The following CTNNA3 variants were observed in gnomAD, a reference collection of about 807,000 sequenced individuals.
CTNNA3 encodes the protein catenin alpha 3.
A neutral mutation model predicts 95.7 loss-of-function variants in CTNNA3; 76 were observed. The observed-to-expected ratio is 0.79, with a 90% CI of 0.66 to 0.96. The LOEUF is 0.96. CTNNA3 is among the 40% of genes least tolerant of loss of function. CTNNA3 has a pLI of 0.00. For missense variants in CTNNA3, 1,191 were observed against 1,089.8 expected (o/e 1.09, Z -1.31); for synonymous variants, 431 against 374.4 (o/e 1.15, Z -1.74).
intron 7 of CTNNA3, among the ~76,000 whole-genome samples, chr10:66,890,759 G>T (rs1845236909): frequency 6.6e-6 from 1 of 152,150 alleles, no homozygotes; most frequent in Non-Finnish European, 1.5e-5. Context: ...TTTTTAAGAA[G>T]AAAGATTTTG....
chr10:65,989,313 G>T (rs2078491423), intron 15 of CTNNA3, among the ~76,000 whole-genome samples: 1 of 152,032 alleles, frequency 6.6e-6, no homozygotes, highest in Admixed American at 6.6e-5. Context: ...ATTTTTTAAT[G>T]CCAGCCTATT....
At chr10:66,808,075 T>C (rs745800785) in intron 7 of CTNNA3, among the ~76,000 whole-genome samples, 9 of 152,070 alleles carry the variant, frequency 5.9e-5, no homozygotes, top group Non-Finnish European at 1.5e-5. Flanking sequence ...GTTTATGAAA[T>C]GAAGCGCTTA....
At chr10:66,314,723 T>C (rs1388813497) in intron 12 of CTNNA3, among the ~76,000 whole-genome samples, 1 of 152,126 alleles carries the variant, frequency 6.6e-6, no homozygotes, top group Non-Finnish European at 1.5e-5. Flanking sequence ...TAATAATTTA[T>C]ATAAAAACAA....
At chr10:66,884,380 G>A (rs1484749937) in intron 7 of CTNNA3, among the ~76,000 whole-genome samples, 1 of 152,092 alleles carries the variant, frequency 6.6e-6, no homozygotes, top group Non-Finnish European at 1.5e-5. Flanking sequence ...CCAATGAAGA[G>A]AATATGGAGG....
chr10:66,146,142 G>A (rs762254734), intron 13 of CTNNA3, among the ~76,000 whole-genome samples: 4 of 152,048 alleles, frequency 2.6e-5, no homozygotes, highest in East Asian at 1.9e-4. Flanking sequence ...ATGAGCCACC[G>A]TGCCCGGCCG....
At chr10:66,226,174 T>A (rs1034085011) in intron 13 of CTNNA3, among the ~76,000 whole-genome samples, 2 of 152,158 alleles carry the variant, frequency 1.3e-5, no homozygotes, top group Non-Finnish European at 2.9e-5. Flanking sequence ...TCTAGTAGTG[T>A]TATAGACTTG....
At chr10:66,438,851 T>C (rs1286848489) in intron 11 of CTNNA3, among the ~76,000 whole-genome samples, 1 of 152,092 alleles carries the variant, frequency 6.6e-6, no homozygotes, top group African/African-American at 2.4e-5. Flanking sequence ...TCCTGATCTG[T>C]AGGTTGCAAA....
chr10:67,552,661 T>TCCCTC (rs1841074760), intron 3 of CTNNA3, among the ~76,000 whole-genome samples: 1 of 151,960 alleles, frequency 6.6e-6, no homozygotes, highest in South Asian at 2.1e-4. Flanking sequence ...CCTGATGCTC[T>TCCCTC]CCCTCCCCAA....
At chr10:66,526,213 T>G (rs138907414) in intron 10 of CTNNA3, among the ~76,000 whole-genome samples, 1 of 152,098 alleles carries the variant, frequency 6.6e-6, no homozygotes, top group African/African-American at 2.4e-5. Flanking sequence ...TAAAAAGGGG[T>G]CTCACTCTGT....
At chr10:67,681,344 G>T (rs1840622472) in intron 1 of CTNNA3, among the ~76,000 whole-genome samples, 1 of 151,888 alleles carries the variant, frequency 6.6e-6, no homozygotes, top group Non-Finnish European at 1.5e-5. Flanking sequence ...TAATAGAACA[G>T]GAAAGACAGC....
intron 5 of CTNNA3, among the ~76,000 whole-genome samples, chr10:67,232,306 G>A (rs536265253): frequency 0.013 from 2,005 of 152,164 alleles, 22 homozygotes; most frequent in African/African-American, 0.033. Flanking sequence ...GACTAACAGC[G>A]GATCTCTCAG....
intron 1 of CTNNA3, among the ~76,000 whole-genome samples, chr10:67,726,586 TGTAATATTATATTA>T (rs1841226968): frequency 3.0e-5 from 2 of 66,590 alleles, no homozygotes; most frequent in Non-Finnish European, 5.0e-5. Context: ...TTATATAATA[TGTAATATTATATTA>T]CATATTATAT....
chr10:67,742,581 A>C (rs1841346888), intron 1 of CTNNA3, among the ~76,000 whole-genome samples: 1 of 151,204 alleles, frequency 6.6e-6, no homozygotes, highest in Non-Finnish European at 1.5e-5. Context: ...CTAACATCAC[A>C]ATTAAAAGAG....
intron 10 of CTNNA3, among the ~76,000 whole-genome samples, chr10:66,595,736 A>T (rs1843692825): frequency 6.6e-6 from 1 of 152,128 alleles, no homozygotes; most frequent in Non-Finnish European, 1.5e-5. Flanking sequence ...TCCTGGGCTC[A>T]AATGATCCTC....
intron 5 of CTNNA3, among the ~76,000 whole-genome samples, chr10:67,370,582 G>A (rs544191572): frequency 6.6e-6 from 1 of 152,202 alleles, no homozygotes; most frequent in South Asian, 2.1e-4. Flanking sequence ...TACATCTGTA[G>A]GTTAGGAATG....
intron 1 of CTNNA3, among the ~76,000 whole-genome samples, chr10:67,703,305 C>T (rs1020294046): frequency 6.7e-6 from 1 of 148,634 alleles, no homozygotes; most frequent in African/African-American, 2.6e-5. Flanking sequence ...ATACCAAAGC[C>T]TGGCAGAGAC....
At chr10:66,329,243 C>T (rs1368687501) in intron 12 of CTNNA3, among the ~76,000 whole-genome samples, 3 of 151,756 alleles carry the variant, frequency 2.0e-5, no homozygotes, top group African/African-American at 7.3e-5. Flanking sequence ...AGCCACGGCG[C>T]CCAGCCAAAG....
chr10:66,006,204 G>A (rs1245807078), intron 15 of CTNNA3, among the ~76,000 whole-genome samples: 3 of 151,696 alleles, frequency 2.0e-5, no homozygotes, highest in East Asian at 1.9e-4. Flanking sequence ...TAGTAGAGAC[G>A]GGGCTTCACA....
chr10:67,516,447 T>C (rs1417426155), intron 5 of CTNNA3, among the ~76,000 whole-genome samples: 1 of 152,204 alleles, frequency 6.6e-6, no homozygotes, highest in African/African-American at 2.4e-5. Flanking sequence ...TAAGCATTTC[T>C]TCCACAGGAT....
Sources: allele counts gnomAD v4.1 joint callset (sites outside exome capture counted in the v4.1 genomes callset), GRCh38; gene constraint gnomAD v4.1.1; transcripts MANE v1.5; gene names NCBI Gene and HGNC (gene_info 2026-07-23, HGNC 2026-07-21).